The following NTM variants were observed in gnomAD, a reference collection of about 807,000 sequenced individuals.
NTM encodes neurotrimin.
Under a neutral mutation model 42.1 loss-of-function variants are expected in NTM, and 13 were observed. The observed-to-expected ratio is 0.31, with a 90% CI of 0.20 to 0.49. The LOEUF is 0.49. Ranked by LOEUF, NTM falls within the 20% of genes least tolerant of loss-of-function variation. NTM has a pLI of 0.99. For missense variants in NTM, 373 were observed against 452.8 expected (o/e 0.82, Z 1.60); for synonymous variants, 187 against 179.2 (o/e 1.04, Z -0.35).
At chr11:131,990,359 AT>A (rs755782064) in intron 2 of NTM, among the ~76,000 whole-genome samples, 4 of 152,136 alleles carry the variant, frequency 2.6e-5, no homozygotes, top group African/African-American at 4.8e-5. Flanking sequence ...ATGCTAGAGA[AT>A]TTGTTTTTAA....
At chr11:131,371,087 G>A (rs1221448335) in intron 1 of NTM, 199 bp downstream of exon 1, 1 of 985,274 alleles carries the variant, frequency 1.0e-6, no homozygotes, top group African/African-American at 1.7e-5. Context: ...TACCGGAATG[G>A]GGGAATATGT....
intron 1 of NTM, among the ~76,000 whole-genome samples, chr11:131,668,363 A>G (rs1033961007): frequency 1.4e-4 from 22 of 152,020 alleles, no homozygotes; most frequent in Non-Finnish European, 4.4e-5. Flanking sequence ...CCCAGGTAGT[A>G]CTACTAATTG....
chr11:132,004,702 T>A lies in NTM; in HGVS notation c.167+93054T>A, dbSNP rs2070366827. Among the ~76,000 whole-genome samples the A allele has an allele frequency of 2.6e-5, 4 of 151,668 alleles. No individual in the cohort carries two copies. In the South Asian group the frequency reaches 8.3e-4, roughly 32 times the overall value. ...ACATACACAGGTGCATTGTATCAGC[T>A]GGAACATCAGCATATGTGTGGTAGG... On this transcript the variant is annotated intron_variant, in intron 2 of 8. Transcript: ENST00000683400.
chr11:131,599,876 A>G (rs1352655553), intron 1 of NTM, among the ~76,000 whole-genome samples: 1 of 152,236 alleles, frequency 6.6e-6, no homozygotes, highest in Non-Finnish European at 1.5e-5. Flanking sequence ...AATGCAAGTC[A>G]GGAATCCTGC....
Position 131,373,475 on chromosome 11 carries a change from G to A in NTM, c.82+2587G>A, listed in dbSNP as rs536531547. On this transcript the variant is annotated intron_variant, in intron 1 of 8. Coordinates refer to ENST00000683400, the MANE Select transcript of NTM (RefSeq NM_001352005.2). ...CAACCAGCAACCAAGATCCAGCTTA[G>A]GTAGGGAGGGGGGTTTCTGAGGGAA... 2.0e-5 allele frequency among the ~76,000 whole-genome samples: 3 copies of A among 152,164 alleles called. No individual in the cohort carries two copies. In the South Asian group the frequency reaches 6.2e-4, roughly 32 times the overall value.
intron 2 of NTM, among the ~76,000 whole-genome samples, chr11:132,125,322 A>T (rs1214126018): frequency 7.5e-6 from 1 of 133,562 alleles, no homozygotes; most frequent in Non-Finnish European, 1.6e-5. Flanking sequence ...TATGTGGTAT[A>T]TGTGGTGTGT....
At chr11:132,220,223 A>G (rs1164618001) in intron 4 of NTM, among the ~76,000 whole-genome samples, 1 of 152,236 alleles carries the variant, frequency 6.6e-6, no homozygotes, top group Non-Finnish European at 1.5e-5. Flanking sequence ...AACCAGTGGT[A>G]CAACCTCAAA....
At chr11:132,119,056 A>G (rs1376602043) in intron 2 of NTM, among the ~76,000 whole-genome samples, 2 of 152,136 alleles carry the variant, frequency 1.3e-5, no homozygotes, top group Non-Finnish European at 2.9e-5. Context: ...ATGTTCTCTC[A>G]TCCATGGGTG....
chr11:131,424,600 C>CTTTTTTTTT lies in NTM; in HGVS notation c.82+53722_82+53730dup, dbSNP rs769740331. Among the ~76,000 whole-genome samples the CTTTTTTTTT allele has an allele frequency of 5.4e-3, 300 of 56,000 alleles. 52 individuals are homozygous for CTTTTTTTTT. Among genetic ancestry groups the CTTTTTTTTT allele is most frequent in the African/African-American group, 0.02 (270 of 13,732 alleles). The allele number at this position is 56,000 out of a possible 152,430, so 36.7% of individuals were successfully genotyped here. A position where few individuals can be genotyped will look rare whatever the true frequency, so the allele number is the denominator to read the frequency against. ...AGTTGTTTTTTATTTCTTTTCTTTT[C>CTTTTTTTTT]TTTTTTTTTTTTTTTTTTGGCGCAA... On this transcript the variant is annotated intron_variant, in intron 1 of 8. Coordinates refer to ENST00000683400, the MANE Select transcript of NTM (RefSeq NM_001352005.2).
intron 1 of NTM, among the ~76,000 whole-genome samples, chr11:131,730,783 T>G (rs941149464): frequency 6.7e-6 from 1 of 150,014 alleles, no homozygotes; most frequent in African/African-American, 2.5e-5. Flanking sequence ...CAGGAATGGA[T>G]CTGGGGTGCC....
intron 4 of NTM, among the ~76,000 whole-genome samples, chr11:132,282,279 A>G (rs538879198): frequency 1.3e-5 from 2 of 152,346 alleles, no homozygotes; most frequent in South Asian, 2.1e-4. Context: ...ATTTTTAAAA[A>G]TCTTCATGAA....
rs1162954589 is a variant in NTM, at chr11:131,911,258, G to A, written c.83-306G>A. The A allele has an allele frequency of 1.5e-5, 22 of 1,419,810 alleles. No homozygotes were observed. In the East Asian group the frequency reaches 4.1e-4, roughly 26 times the overall value. 88.0% of individuals were successfully genotyped at this position (1,419,810 alleles called of 1,614,324 possible). A position where few individuals can be genotyped will look rare whatever the true frequency, so the allele number is the denominator to read the frequency against. On this transcript the variant is annotated intron_variant, in intron 1 of 8. Coordinates refer to ENST00000683400, the MANE Select transcript of NTM (RefSeq NM_001352005.2). Reference sequence around the variant, plus strand: ...AGGGAGCCCCCTTTGGCCGTCCTCCGTGGAACCGGTTTTCCGAGGCTGGCA... The same window carrying A: ...AGGGAGCCCCCTTTGGCCGTCCTCCATGGAACCGGTTTTCCGAGGCTGGCA...
chr11:131,796,223 C>T (rs1398910138), intron 1 of NTM: 1 of 956,586 alleles, frequency 1.0e-6, no homozygotes, highest in Admixed American at 6.2e-5. Flanking sequence ...AGAACCTGTA[C>T]CTGTGGAAGA....
intron 3 of NTM, among the ~76,000 whole-genome samples, chr11:132,197,683 G>T (rs1334624809): frequency 7.8e-6 from 1 of 128,074 alleles, no homozygotes; most frequent in Non-Finnish European, 1.5e-5. Context: ...GGTGTGTGAT[G>T]TTCCCCTTCC....
rs907025162 is a variant in NTM, at chr11:131,370,901, T to C, written c.82+13T>C. Reference sequence around the variant, plus strand: ...TGTCTCTTCCAAGGTAAGAGCTTGCTATTGATTTGCCTTCGGTAGACCCAG... The same window carrying C: ...TGTCTCTTCCAAGGTAAGAGCTTGCCATTGATTTGCCTTCGGTAGACCCAG... On this transcript the variant is annotated intron_variant, in intron 1 of 8. Coordinates refer to ENST00000683400, the MANE Select transcript of NTM (RefSeq NM_001352005.2). 11 of 1,613,346 alleles carry C rather than the reference T, an allele frequency of 6.8e-6. No homozygotes were observed. The highest frequency in any genetic ancestry group is 9.3e-6 in the Non-Finnish European group (11 of 1,179,866).
At chr11:131,381,069 C>T (rs1048406316) in intron 1 of NTM, among the ~76,000 whole-genome samples, 2 of 152,102 alleles carry the variant, frequency 1.3e-5, no homozygotes, top group African/African-American at 4.8e-5. Flanking sequence ...GCTAAACTGA[C>T]CCAAGAGTGG....
rs574162179 is a variant in NTM at position 131,948,890 on chromosome 11, A to C, written c.167+37242A>C. On this transcript the variant is annotated intron_variant, in intron 2 of 8. Coordinates refer to ENST00000683400, the MANE Select transcript of NTM (RefSeq NM_001352005.2). ...TAAAACATTTTAAAGTCTACAATAC[A>C]GTACCGTTAATTCTAGGAACATTGT... Among the ~76,000 whole-genome samples the C allele has an allele frequency of 1.0e-3, 152 of 152,346 alleles. 1 individual carries two copies. Among genetic ancestry groups the C allele is most frequent in the Admixed American group, 2.0e-3 (31 of 15,308 alleles).
chr11:131,580,565 C>G (rs986686564), intron 1 of NTM, among the ~76,000 whole-genome samples: 1 of 152,074 alleles, frequency 6.6e-6, no homozygotes, highest in Admixed American at 6.6e-5. Flanking sequence ...GGCTGAGAAC[C>G]CACAGAACTG....
chr11:131,827,272 A>G (rs1409636228), intron 1 of NTM, among the ~76,000 whole-genome samples: 1 of 152,236 alleles, frequency 6.6e-6, no homozygotes, highest in Non-Finnish European at 1.5e-5. Flanking sequence ...AGCCATACAT[A>G]TACAGATACT....
Sources: allele counts gnomAD v4.1 joint callset (sites outside exome capture counted in the v4.1 genomes callset), GRCh38; gene constraint gnomAD v4.1.1; transcripts MANE v1.5; gene names NCBI Gene and HGNC (gene_info 2026-07-23, HGNC 2026-07-21).